The following SLC35D4 variants were observed in gnomAD, a reference collection of about 807,000 sequenced individuals.
SLC35D4 encodes the protein solute carrier family 35 member D4.
chr18:23,336,557 T>C, the SLC35D4 span, among the ~76,000 whole-genome samples: 1 of 152,254 alleles, frequency 6.6e-6, no homozygotes, highest in African/African-American at 2.4e-5. Context: ...TACAGCTTCA[T>C]GTGGTTTAAC....
the SLC35D4 span, among the ~76,000 whole-genome samples, chr18:23,313,818 C>T: frequency 2.5e-4 from 38 of 152,326 alleles, no homozygotes; most frequent in Admixed American, 1.3e-3. Flanking sequence ...ACACAGTCCA[C>T]TGAGTGGAAC....
At chr18:23,299,091 T>C in the SLC35D4 span, among the ~76,000 whole-genome samples, 1 of 152,082 alleles carries the variant, frequency 6.6e-6, no homozygotes, top group Non-Finnish European at 1.5e-5. Flanking sequence ...TGACTATGAG[T>C]GAGAATATAA....
chr18:23,240,440 C>T, the SLC35D4 span, among the ~76,000 whole-genome samples: 1 of 152,236 alleles, frequency 6.6e-6, no homozygotes, highest in Non-Finnish European at 1.5e-5. Context: ...GCCCCAGGCA[C>T]AGGGAGCTGC....
the SLC35D4 span, among the ~76,000 whole-genome samples, chr18:23,382,646 G>A: frequency 6.6e-6 from 1 of 152,186 alleles, no homozygotes; most frequent in Non-Finnish European, 1.5e-5. Context: ...TGAAAGAAAA[G>A]AAGCACATGT....
At chr18:23,288,277 A>G in the SLC35D4 span, among the ~76,000 whole-genome samples, 2 of 152,096 alleles carry the variant, frequency 1.3e-5, no homozygotes, top group African/African-American at 2.4e-5. Context: ...ATCGCCACAC[A>G]CCAGCAAAGG....
At chr18:23,258,103 G>A in the SLC35D4 span, 1 of 152,296 alleles carries the variant, frequency 6.6e-6, no homozygotes, top group Non-Finnish European at 1.5e-5. Flanking sequence ...CCCACCAAGG[G>A]GATAAAGAAG....
the SLC35D4 span, chr18:23,356,784 A>C: frequency 1.3e-6 from 1 of 768,938 alleles, no homozygotes; most frequent in Non-Finnish European, 2.2e-6. This position sits in a 1 kb window ranked among gnomAD's most constrained non-coding sequence, Gnocchi z 4.1. Flanking sequence ...GTCCCCTGGC[A>C]TTGAATTCAC....
At chr18:23,252,317 G>A in the SLC35D4 span, among the ~76,000 whole-genome samples, 1 of 152,174 alleles carries the variant, frequency 6.6e-6, no homozygotes, top group Admixed American at 6.5e-5. Flanking sequence ...CTATGCGAAT[G>A]TTCTTAATGC....
the SLC35D4 span, among the ~76,000 whole-genome samples, chr18:23,312,015 C>T: frequency 6.6e-6 from 1 of 152,238 alleles, no homozygotes; most frequent in African/African-American, 2.4e-5. Flanking sequence ...TGGAACACTT[C>T]GCTTGATTTA....
chr18:23,298,689 C>T, the SLC35D4 span, among the ~76,000 whole-genome samples: 13 of 152,186 alleles, frequency 8.5e-5, 1 homozygote, highest in Admixed American at 7.9e-4. Flanking sequence ...GTCCTCTCCA[C>T]TTTCTATTTT....
At chr18:23,353,809 A>C in the SLC35D4 span, among the ~76,000 whole-genome samples, 1 of 152,298 alleles carries the variant, frequency 6.6e-6, no homozygotes, top group East Asian at 1.9e-4. Flanking sequence ...TGACCCTCGT[A>C]ACCTTAACCA....
chr18:23,328,035 G>C, the SLC35D4 span, among the ~76,000 whole-genome samples: 4 of 152,118 alleles, frequency 2.6e-5, no homozygotes, highest in African/African-American at 9.7e-5. Flanking sequence ...AATAAATTAG[G>C]TATTGATGGG....
At chr18:23,248,162 CTAAA>C in the SLC35D4 span, among the ~76,000 whole-genome samples, 2 of 152,218 alleles carry the variant, frequency 1.3e-5, no homozygotes, top group African/African-American at 4.8e-5. Flanking sequence ...CAGGGGTCCT[CTAAA>C]TAAAAATGGG....
the SLC35D4 span, among the ~76,000 whole-genome samples, chr18:23,385,938 T>C: frequency 1.3e-5 from 2 of 151,864 alleles, no homozygotes; most frequent in African/African-American, 4.8e-5. Context: ...GAGCCCATCC[T>C]GGCTAACATG....
At chr18:23,286,614 C>T in the SLC35D4 span, among the ~76,000 whole-genome samples, 1 of 151,948 alleles carries the variant, frequency 6.6e-6, no homozygotes, top group African/African-American at 2.4e-5. Flanking sequence ...GTAAGTCCGT[C>T]CCCTTCTTAA....
chr18:23,258,235 A>AGAT, the SLC35D4 span: 1 of 152,592 alleles, frequency 6.6e-6, no homozygotes, highest in Non-Finnish European at 1.5e-5. Flanking sequence ...TCCACTGTGG[A>AGAT]GATGGCTGGG....
At chr18:23,408,816 CTT>C in the SLC35D4 span, among the ~76,000 whole-genome samples, 3,730 of 114,816 alleles carry the variant, frequency 0.032, 98 homozygotes, top group African/African-American at 0.11. Context: ...TCTTATCTCT[CTT>C]TTTTTTTTTT....
the SLC35D4 span, among the ~76,000 whole-genome samples, chr18:23,403,986 C>T: frequency 6.6e-6 from 1 of 151,920 alleles, no homozygotes; most frequent in Non-Finnish European, 1.5e-5. Context: ...GGCACGGTGG[C>T]TCATGTCTGT....
chr18:23,356,593 C>G, the SLC35D4 span: 1 of 1,614,086 alleles, frequency 6.2e-7, no homozygotes, highest in South Asian at 1.1e-5. This position sits in a 1 kb window ranked among gnomAD's most constrained non-coding sequence, Gnocchi z 4.1. Context: ...CTTACGATTA[C>G]CTGGCACAGC....
Sources: allele counts gnomAD v4.1 joint callset (sites outside exome capture counted in the v4.1 genomes callset), GRCh38; gene constraint gnomAD v4.1.1; non-coding constraint Gnocchi (gnomAD v3.1); transcripts MANE v1.5; gene names NCBI Gene and HGNC (gene_info 2026-07-23, HGNC 2026-07-21).